ATXN7: variants seen among roughly 807,000 people sequenced by gnomAD.
The protein encoded by ATXN7 is ataxin 7.
Under a neutral mutation model 70.5 loss-of-function variants are expected in ATXN7, and 12 were observed. That is an observed-to-expected ratio of 0.17 (90% CI 0.11 to 0.28). ATXN7 has a LOEUF of 0.28. Ranked by LOEUF, ATXN7 falls within the 10% of genes least tolerant of loss-of-function variation. ATXN7 has a pLI of 1.00. For synonymous variants in ATXN7, 498 were observed against 448.7 expected (o/e 1.11, Z -1.39); for missense variants, 1,256 against 1,131.7 (o/e 1.11, Z -1.58).
At chr3:63,867,383 G>A (rs1435556043) in intron 1 of ATXN7, among the ~76,000 whole-genome samples, 2 of 151,880 alleles carry the variant, frequency 1.3e-5, no homozygotes, top group African/African-American at 2.4e-5. Context: ...TTGTTGCCCA[G>A]TCTGGAATGC....
intron 12 of ATXN7, chr3:63,999,226 C>T: frequency 4.0e-6 from 2 of 503,176 alleles, no homozygotes; most frequent in African/African-American, 1.9e-5. Flanking sequence ...CTCTTCTAGC[C>T]AGTTGGCTAG....
rs2075501323 is a variant in ATXN7 at position 63,982,274 on chromosome 3, A to G, written c.841A>G (p.Thr281Ala). The G allele has an allele frequency of 3.7e-6, 6 of 1,614,178 alleles. No homozygotes were observed. Among genetic ancestry groups the G allele is most frequent in the Admixed American group, 3.3e-5 (2 of 60,022 alleles). ...TGCGGTGGGGCCAACCTGTCCTGCTACTGTGAGTTCCTTAGTCAAGCCTGG... is the reference window on the plus strand; with the variant it reads ...TGCGGTGGGGCCAACCTGTCCTGCTGCTGTGAGTTCCTTAGTCAAGCCTGG... The part of the protein sequence containing the change: ...KSAVGPTCPA[T>A]VSSLVKPGLN... Residue 281 changes from threonine to alanine, a missense_variant, in exon 7 of 13, where the codon ACT (threonine) becomes GCT (alanine). Coordinates refer to ENST00000674280, the MANE Select transcript of ATXN7 (RefSeq NM_001377405.1).
At chr3:63,911,919 C>G (rs1430770624) in intron 2 of ATXN7, 1 of 152,456 alleles carries the variant, frequency 6.6e-6, no homozygotes, top group African/African-American at 2.4e-5. Flanking sequence ...CTGCACCAGC[C>G]TCTCCCGCGC....
Position 63,990,230 on chromosome 3 carries a change from A to C in ATXN7, c.1416A>C (p.Pro472=). The change falls in exon 10 of 13, where the codon CCA becomes CCC. Residue 472 remains proline (P), a synonymous_variant. Coordinates refer to ENST00000674280, the MANE Select transcript of ATXN7 (RefSeq NM_001377405.1). ...QGGSAPIDPP[P]VHESPHPPLP... The stretch of plus-strand genomic sequence containing the variant: ...GGAGTGCCCCCATTGACCCTCCTCC[A>C]GTCCATGAATCTCCACACCCTCCCC... 6.2e-7 allele frequency: 1 copy of C among 1,613,796 alleles called. No individual in the cohort carries two copies. The highest frequency in any genetic ancestry group is 8.5e-7 in the Non-Finnish European group (1 of 1,179,980).
chr3:63,875,026 T>A (rs1053406769), intron 1 of ATXN7, among the ~76,000 whole-genome samples: 11 of 152,216 alleles, frequency 7.2e-5, no homozygotes, highest in African/African-American at 2.4e-4. Flanking sequence ...CTAATCCTAT[T>A]CATGAAGGTT....
At chr3:63,879,730 G>C (rs2107218944) in intron 1 of ATXN7, among the ~76,000 whole-genome samples, 1 of 152,148 alleles carries the variant, frequency 6.6e-6, no homozygotes, top group Admixed American at 6.5e-5. Flanking sequence ...GACCTCAGGT[G>C]ATCTTTATAA....
chr3:63,864,301 C>T (rs554565714), intron 1 of ATXN7, among the ~76,000 whole-genome samples, 143 bp downstream of exon 1: 23 of 148,110 alleles, frequency 1.6e-4, no homozygotes, highest in Non-Finnish European at 2.5e-4. Flanking sequence ...GGGGTGGGCT[C>T]GTTTCCCTGG....
intron 2 of ATXN7, among the ~76,000 whole-genome samples, chr3:63,910,299 G>C (rs1295004001): frequency 2.0e-5 from 3 of 152,148 alleles, no homozygotes; most frequent in Non-Finnish European, 4.4e-5. Flanking sequence ...TGTAGTTTCA[G>C]GGATCTGAAG....
At chr3:63,982,063 A>C (rs1012450012) in intron 6 of ATXN7, 123 bp from the exon 7 acceptor site, 11 of 1,293,516 alleles carry the variant, frequency 8.5e-6, no homozygotes, top group East Asian at 4.6e-5. Context: ...GAGCCTTCCA[A>C]GAGGCTGGCC....
At chr3:63,901,185 T>G (rs1413440246) in intron 2 of ATXN7, 1 of 152,244 alleles carries the variant, frequency 6.6e-6, no homozygotes, top group South Asian at 2.1e-4. Context: ...TTTTAAAATA[T>G]GTATTCATTG....
chr3:63,879,571 A>C (rs1265125640), intron 1 of ATXN7, among the ~76,000 whole-genome samples: 3 of 150,806 alleles, frequency 2.0e-5, no homozygotes, highest in Admixed American at 6.6e-5. Context: ...GGCTCACTGC[A>C]ACCTCTGCCT....
intron 1 of ATXN7, among the ~76,000 whole-genome samples, chr3:63,891,102 C>T (rs979309037): frequency 6.6e-6 from 1 of 152,050 alleles, no homozygotes; most frequent in Non-Finnish European, 1.5e-5. Flanking sequence ...CTCCACCTCC[C>T]GGGTTCAAGT....
Position 63,982,301 on chromosome 3 carries a change from C to G in ATXN7, c.868C>G (p.Leu290Val). Residue 290 changes from leucine (L) to valine (V), a missense_variant, in exon 7 of 13, where the codon CTT (leucine) becomes GTT (valine). Transcript: ENST00000674280. ...ATVSSLVKPG[L>V]NCPSIPKPTL... ...TGTGAGTTCCTTAGTCAAGCCTGGCCTTAACTGCCCCTCAATACCAAAGCC... is the reference window on the plus strand; with the variant it reads ...TGTGAGTTCCTTAGTCAAGCCTGGCGTTAACTGCCCCTCAATACCAAAGCC... 6.2e-7 allele frequency: 1 copy of G among 1,614,182 alleles called. No homozygotes were observed. Among genetic ancestry groups the G allele is most frequent in the East Asian group, 2.2e-5 (1 of 44,882 alleles).
chr3:63,987,909 T>C (rs1462530390), intron 8 of ATXN7, 150 bp from the exon 9 acceptor site: 3 of 914,378 alleles, frequency 3.3e-6, no homozygotes, highest in East Asian at 2.6e-5. Context: ...TAATGGGCTC[T>C]TAAGGTTTTT....
chr3:63,910,890 A>G (rs1000350575), intron 2 of ATXN7, among the ~76,000 whole-genome samples: 1 of 151,996 alleles, frequency 6.6e-6, no homozygotes, highest in Non-Finnish European at 1.5e-5. Context: ...TTTGAACCCC[A>G]AACCCTCTCT....
Position 63,929,986 on chromosome 3 carries a change from T to G in ATXN7, c.394+16761T>G, listed in dbSNP as rs548015564. ...AGTAGTGGAGAGATGACTGAGAGGC[T>G]CCCCGATCCATCCACAGGAACTGGG... is the stretch of plus-strand genomic sequence containing the variant. On this transcript the variant is annotated intron_variant, in intron 4 of 12. Transcript: ENST00000674280. 3.9e-5 allele frequency among the ~76,000 whole-genome samples: 6 copies of G among 152,200 alleles called. No homozygotes were observed. The East Asian group carries it at 1.2e-3, about 30-fold the overall frequency.
intron 1 of ATXN7, among the ~76,000 whole-genome samples, chr3:63,892,525 G>A (rs1396453961): frequency 1.3e-5 from 2 of 150,734 alleles, no homozygotes; most frequent in South Asian, 2.1e-4. Flanking sequence ...CCCAACTCCT[G>A]TCAACCGGAG....
chr3:63,997,884 C>T (rs1022188132), intron 12 of ATXN7: 16 of 985,294 alleles, frequency 1.6e-5, no homozygotes, highest in Non-Finnish European at 1.9e-5. Flanking sequence ...GTGAATTTAA[C>T]TAGCTGCATG....
chr3:63,898,888 T>A (rs936473293), intron 2 of ATXN7, among the ~76,000 whole-genome samples: 2 of 152,146 alleles, frequency 1.3e-5, no homozygotes, highest in African/African-American at 2.4e-5. Context: ...TTCCATGTAA[T>A]GTAGACCCAG....
Sources: gnomAD v4.1 joint callset for allele counts (sites outside exome capture counted in the v4.1 genomes callset) on GRCh38, gnomAD v4.1.1 for gene constraint, MANE v1.5 for transcripts, NCBI Gene and HGNC (gene_info 2026-07-23, HGNC 2026-07-21) for gene names.